Variants in GTF2IRD1 observed in about 807,000 individuals in gnomAD.
GTF2IRD1 encodes the protein GTF2I repeat domain containing 1, also known as general transcription factor II-I repeat domain-containing protein 1.
A neutral mutation model predicts 113.2 loss-of-function variants in GTF2IRD1; 26 were observed. The ratio of observed to expected loss-of-function variants is 0.23; its 90% confidence interval spans 0.17 to 0.32. GTF2IRD1 has a LOEUF of 0.32. Ranked by LOEUF, GTF2IRD1 falls within the 10% of genes least tolerant of loss-of-function variation. The pLI is 1.00. For missense variants in GTF2IRD1, 864 were observed against 1,280.8 expected (o/e 0.67, Z 4.97); for synonymous variants, 484 against 529.1 (o/e 0.91, Z 1.17).
intron 6 of GTF2IRD1, among the ~76,000 whole-genome samples, chr7:74,520,089 C>CA (rs61019711): frequency 0.018 from 440 of 24,576 alleles, 97 homozygotes; most frequent in African/African-American, 0.028. Flanking sequence ...AGCTCTGTCT[C>CA]AAAAAAAAAA....
At chr7:74,469,193 A>AG (rs1793936314) in intron 1 of GTF2IRD1, among the ~76,000 whole-genome samples, 1 of 151,824 alleles carries the variant, frequency 6.6e-6, no homozygotes, top group Non-Finnish European at 1.5e-5. Flanking sequence ...AGGCTGGGGT[A>AG]GGAGCGTGGT....
Position 74,476,366 on chromosome 7 carries a change from C to CTTTTTTTTTTTTTT in GTF2IRD1, c.-7+22201_-7+22202insTTTTTTTTTTTTTT, listed in dbSNP as rs61151844. On this transcript the variant is annotated intron_variant, in intron 1 of 26. Coordinates refer to ENST00000424337, the MANE Select transcript of GTF2IRD1 (RefSeq NM_005685.4). ...CCCGCTTGGAAGCCTTCTGAACCTC[C>CTTTTTTTTTTTTTT]TTTTTTTTTTTCTTTTGAGACGGAG... 9.6e-4 allele frequency among the ~76,000 whole-genome samples: 117 copies of CTTTTTTTTTTTTTT among 122,138 alleles called. 12 individuals are homozygous for CTTTTTTTTTTTTTT. Among genetic ancestry groups the CTTTTTTTTTTTTTT allele is most frequent in the African/African-American group, 2.3e-3 (69 of 30,494 alleles). The allele number at this position is 122,138 out of a possible 152,430, so 80.1% of individuals were successfully genotyped here. A position where few individuals can be genotyped will look rare whatever the true frequency, so the allele number is the denominator to read the frequency against.
chr7:74,587,255 G>A (rs1419832184), intron 22 of GTF2IRD1, among the ~76,000 whole-genome samples: 3 of 152,110 alleles, frequency 2.0e-5, no homozygotes, highest in Admixed American at 2.0e-4. Context: ...GACCACCCTG[G>A]CCAATATGGC....
At position 74,595,382 on chromosome 7, in the gene GTF2IRD1, G is replaced by A. The variant is rs1211435407; in HGVS notation, c.2629+331G>A. Among the ~76,000 whole-genome samples the A allele has an allele frequency of 2.5e-4, 37 of 150,960 alleles. 1 individual carries two copies. Among genetic ancestry groups the A allele is most frequent in the Admixed American group, 1.1e-3 (16 of 15,128 alleles). ...GATCGCGCCCCTGCACTCCAGCCTG[G>A]GTGACAGAGCAAGACTCCATCTCGA... On this transcript the variant is annotated intron_variant, in intron 25 of 26. Coordinates refer to ENST00000424337, the MANE Select transcript of GTF2IRD1 (RefSeq NM_005685.4).
intron 17 of GTF2IRD1, among the ~76,000 whole-genome samples, chr7:74,550,445 A>G (rs1554354666): frequency 1.3e-5 from 2 of 151,120 alleles, no homozygotes; most frequent in Admixed American, 6.6e-5. Context: ...AAAATTAGCC[A>G]GGCTTGGTGG....
chr7:74,547,993 C>T (rs1301873836), intron 17 of GTF2IRD1, among the ~76,000 whole-genome samples: 3 of 152,108 alleles, frequency 2.0e-5, no homozygotes, highest in Admixed American at 6.6e-5. Context: ...AATGCCCTGT[C>T]GTCCCAGAAT....
At chr7:74,546,642 G>A (rs1274848623) in intron 16 of GTF2IRD1, among the ~76,000 whole-genome samples, 12 of 152,220 alleles carry the variant, frequency 7.9e-5, no homozygotes, top group Admixed American at 7.9e-4. Flanking sequence ...CCACTCAGTG[G>A]CAGAGATCGG....
chr7:74,461,586 T>A (rs2116899220), intron 1 of GTF2IRD1, among the ~76,000 whole-genome samples: 1 of 152,224 alleles, frequency 6.6e-6, no homozygotes, highest in South Asian at 2.1e-4. Flanking sequence ...TTTTATTTTA[T>A]TTATTTATTT....
chr7:74,503,712 G>A (rs1230366190), intron 1 of GTF2IRD1, among the ~76,000 whole-genome samples: 1 of 152,226 alleles, frequency 6.6e-6, no homozygotes, highest in African/African-American at 2.4e-5. Context: ...TCACACCACT[G>A]TACTCCAATC....
At chr7:74,474,461 A>AAT in intron 1 of GTF2IRD1, among the ~76,000 whole-genome samples, 1 of 152,196 alleles carries the variant, frequency 6.6e-6, no homozygotes, top group Non-Finnish European at 1.5e-5. Flanking sequence ...TGAATCACTC[A>AAT]TCTGGACAGT....
rs587738120 is a variant in GTF2IRD1, at chr7:74,602,191, G to A, written c.2767-174G>A. 2.0e-4 allele frequency: 125 copies of A among 629,014 alleles called. No individual in the cohort carries two copies. In the East Asian group the frequency reaches 2.3e-3, roughly 12 times the overall value. 39.0% of individuals were successfully genotyped at this position (629,014 alleles called of 1,614,324 possible). The stretch of plus-strand genomic sequence containing the variant: ...CGCGGGGCCAAGGTTGCAGTGAGCC[G>A]AGATTGCATCACTGCACTCCAGCCT... On this transcript the variant is annotated intron_variant, in intron 26 of 26. Transcript: ENST00000424337.
At chr7:74,514,313 C>T (rs587645945) in intron 3 of GTF2IRD1, among the ~76,000 whole-genome samples, 1 of 152,176 alleles carries the variant, frequency 6.6e-6, no homozygotes, top group African/African-American at 2.4e-5. Flanking sequence ...CAGCCCCCCA[C>T]CCCCCTCAGC....
intron 2 of GTF2IRD1, among the ~76,000 whole-genome samples, chr7:74,510,697 G>A (rs1554342701): frequency 6.6e-6 from 1 of 152,154 alleles, no homozygotes; most frequent in Non-Finnish European, 1.5e-5. Flanking sequence ...AGTCAGAAGT[G>A]GCTGGTGTCT....
chr7:74,475,825 C>T (rs188506010), intron 1 of GTF2IRD1, among the ~76,000 whole-genome samples: 56 of 152,326 alleles, frequency 3.7e-4, no homozygotes, highest in Admixed American at 1.0e-3. Flanking sequence ...CCGTCTGATG[C>T]GTAGTCACCC....
intron 22 of GTF2IRD1, among the ~76,000 whole-genome samples, chr7:74,585,392 C>T (rs1335285898): frequency 1.3e-5 from 2 of 151,962 alleles, no homozygotes; most frequent in Non-Finnish European, 2.9e-5. Flanking sequence ...GGATTATAGG[C>T]GTGAGTCACC....
chr7:74,583,431 A>AT (rs1183336552), intron 22 of GTF2IRD1, among the ~76,000 whole-genome samples: 2 of 148,304 alleles, frequency 1.3e-5, no homozygotes, highest in Non-Finnish European at 3.0e-5. Flanking sequence ...GCTGGTTGCA[A>AT]ACTCGTGGCC....
chr7:74,531,973 A>C (rs894577775), intron 9 of GTF2IRD1, among the ~76,000 whole-genome samples: 10 of 152,122 alleles, frequency 6.6e-5, no homozygotes, highest in African/African-American at 2.4e-4. Context: ...TTCACACCTC[A>C]GGGGCAGATA....
chr7:74,462,911 T>C (rs1007007227), intron 1 of GTF2IRD1, among the ~76,000 whole-genome samples: 2 of 152,214 alleles, frequency 1.3e-5, no homozygotes, highest in Non-Finnish European at 2.9e-5. Flanking sequence ...TCTGGAGTAA[T>C]TGAGGCTATG....
intron 22 of GTF2IRD1, among the ~76,000 whole-genome samples, chr7:74,579,362 A>G (rs1801275359): frequency 6.6e-6 from 1 of 152,160 alleles, no homozygotes. Flanking sequence ...TCATGCCCGT[A>G]ATCCCAGCAC....
Sources: gnomAD v4.1 joint callset for allele counts (sites outside exome capture counted in the v4.1 genomes callset) on GRCh38, gnomAD v4.1.1 for gene constraint, MANE v1.5 for transcripts, NCBI Gene and HGNC (gene_info 2026-07-23, HGNC 2026-07-21) for gene names.